The following SLC24A5 variants were observed in gnomAD, a reference collection of about 807,000 sequenced individuals.
SLC24A5 encodes the protein sodium/potassium/calcium exchanger 5.
Under a neutral mutation model 51.6 loss-of-function variants are expected in SLC24A5, and 46 were observed. That is an observed-to-expected ratio of 0.89 (90% CI 0.70 to 1.14). SLC24A5 has a LOEUF of 1.14. SLC24A5 is among the 50% of genes most tolerant of loss of function. SLC24A5 has a pLI of 0.00. For missense variants in SLC24A5, 581 were observed against 604.1 expected, an observed-to-expected ratio of 0.96 and a Z score of 0.40; for synonymous variants, 230 against 214.9, an observed-to-expected ratio of 1.07 and a Z score of -0.62.
rs1054255267 is a variant in SLC24A5, at chr15:48,122,203, C to A, written c.301+167C>A. ...TTAAGGAACTGGTCGAGTGTGGTTT[C>A]TCTTGGTAGTTAATGTGAATCAGAG... On this transcript the variant is annotated intron_variant, in intron 2 of 8. Transcript: ENST00000341459. 4.4e-6 allele frequency: 3 copies of A among 689,030 alleles called. No homozygotes were observed. The African/African-American group carries it at 5.3e-5, about 12-fold the overall frequency. 42.7% of individuals were successfully genotyped at this position (689,030 alleles called of 1,614,324 possible). A position where few individuals can be genotyped will look rare whatever the true frequency, so the allele number is the denominator to read the frequency against.
chr15:48,124,646 T>TAC (rs2038712711), intron 2 of SLC24A5: 1 of 152,232 alleles, frequency 6.6e-6, no homozygotes, highest in African/African-American at 2.4e-5. Context: ...TAGAAGACAC[T>TAC]ACTGCATTAA....
chr15:48,121,002 C>T lies in SLC24A5; in HGVS notation c.-43C>T. On this transcript the variant is annotated 5_prime_UTR_variant, in exon 1 of 9. Coordinates refer to ENST00000341459, the MANE Select transcript of SLC24A5 (RefSeq NM_205850.3). ...CATGATCCAGTTTAATCCTCCTCTT[C>T]TCCCTTCCTGAAGCTGCACGCTGCA... The T allele has an allele frequency of 6.3e-7, 1 of 1,598,722 alleles. No homozygotes were observed. Among genetic ancestry groups the T allele is most frequent in the Non-Finnish European group, 8.5e-7 (1 of 1,171,880 alleles).
In SLC24A5 at chr15:48,142,133, G is replaced by T. The variant is rs373291729; in HGVS notation, c.1285G>T (p.Ala429Ser). ...TAAAACTGCATTTATAAATGGATCA[G>T]CTCCTGCAGAAGTAAACAGCAGAGG... ...FIKTAFINGS[A>S]PAEVNSRGLT... Residue 429 changes from alanine (A) to serine (S), a missense_variant, in exon 9 of 9, where the codon GCT (alanine) becomes TCT (serine). Coordinates refer to ENST00000341459, the MANE Select transcript of SLC24A5 (RefSeq NM_205850.3). 1 of 1,613,580 alleles carries T rather than the reference G, an allele frequency of 6.2e-7. No individual in the cohort carries two copies. The highest frequency in any genetic ancestry group is 1.3e-5 in the African/African-American group (1 of 74,910).
rs936648119 is a variant in SLC24A5, at chr15:48,136,774, T to C, written c.682T>C (p.Cys228Arg). The change falls in exon 6 of 9, where the codon TGC becomes CGC. Residue 228 changes from cysteine to arginine, a missense_variant. By Grantham distance (180) the Cys-to-Arg change is radical. Transcript: ENST00000341459. ...IKINQYIIKK[C>R]SPCCACLAKA... ...AATTAACCAATATATTATAAAGAAA[T>C]GCAGTCCTTGCTGCGCCTGTCTTGC... 3.1e-6 allele frequency: 5 copies of C among 1,613,496 alleles called. No homozygotes were observed. In the African/African-American group the frequency reaches 5.3e-5, roughly 17 times the overall value.
Position 48,134,494 on chromosome 15 carries a change from A to G in SLC24A5, c.445A>G (p.Asn149Asp), listed in dbSNP as rs376756736. 3.1e-6 allele frequency: 5 copies of G among 1,613,446 alleles called. No individual in the cohort carries two copies. The African/African-American group carries it at 6.7e-5, about 22-fold the overall frequency. Residue 149 changes from asparagine to aspartate, a missense_variant, in exon 4 of 9, where the codon AAT becomes GAT. Asn to Asp is a conservative substitution (Grantham distance 23). Coordinates refer to ENST00000341459, the MANE Select transcript of SLC24A5 (RefSeq NM_205850.3). ...ISTILGSAIY[N>D]LLGICAACGL... Reference sequence around the variant, plus strand: ...CACCATCCTTGGATCTGCAATTTATAATCTCCTTGGCATCTGTGCTGCCTG... The same window carrying G: ...CACCATCCTTGGATCTGCAATTTATGATCTCCTTGGCATCTGTGCTGCCTG...
chr15:48,141,631 C>G (rs2039090851), intron 8 of SLC24A5: 1 of 161,364 alleles, frequency 6.2e-6, no homozygotes, highest in East Asian at 1.8e-4. Flanking sequence ...CAGTAACATA[C>G]TTTGAAGGGG....
intron 2 of SLC24A5, chr15:48,123,826 T>A (rs191740934): frequency 9.2e-5 from 14 of 152,292 alleles, no homozygotes; most frequent in African/African-American, 3.4e-4. Flanking sequence ...CAGAAAACCA[T>A]GAAAAATATG....
chr15:48,142,399 G>C lies in SLC24A5; in HGVS notation c.*48G>C, dbSNP rs1261812980. The C allele has an allele frequency of 7.9e-7, 1 of 1,263,376 alleles. No individual in the cohort carries two copies. The highest frequency in any genetic ancestry group is 1.5e-5 in the African/African-American group (1 of 66,826). 78.3% of individuals were successfully genotyped at this position (1,263,376 alleles called of 1,614,324 possible). A position where few individuals can be genotyped will look rare whatever the true frequency, so the allele number is the denominator to read the frequency against. On this transcript the variant is annotated 3_prime_UTR_variant, in exon 9 of 9. Transcript: ENST00000341459. ...AAAATATGAATGGCAGGGAGGGGCA[G>C]AGAGAAAAATCCATTTCTTCATTTA...
chr15:48,138,611 G>A lies in SLC24A5; in HGVS notation c.872-358G>A, dbSNP rs577639648. On this transcript the variant is annotated intron_variant, in intron 6 of 8. Coordinates refer to ENST00000341459, the MANE Select transcript of SLC24A5 (RefSeq NM_205850.3). ...GAAGTGGAGACAACTGGAGTAGCTA[G>A]GTTAGAAACCAGGTTAATCCCTTAA... 10 of 180,840 alleles carry A rather than the reference G, an allele frequency of 5.5e-5. No homozygotes were observed. In the South Asian group the frequency reaches 9.6e-4, roughly 17 times the overall value. The allele number at this position is 180,840 out of a possible 1,614,324, so 11.2% of individuals were successfully genotyped here.
chr15:48,124,740 C>T (rs1455153478), intron 2 of SLC24A5: 1 of 152,168 alleles, frequency 6.6e-6, no homozygotes, highest in East Asian at 1.9e-4. Flanking sequence ...TGTGAAATTA[C>T]TTTGAAAGAT....
chr15:48,142,077 A>C lies in SLC24A5; in HGVS notation c.1229A>C (p.Asp410Ala). The C allele has an allele frequency of 6.2e-7, 1 of 1,613,878 alleles. No homozygotes were observed. Among genetic ancestry groups the C allele is most frequent in the South Asian group, 1.1e-5 (1 of 91,072 alleles). Residue 410 changes from aspartate (D) to alanine (A), a missense_variant, in exon 9 of 9, where the codon GAT (aspartate) becomes GCT (alanine). Physicochemically the swap from Asp to Ala is moderately radical, Grantham distance 126. Coordinates refer to ENST00000341459, the MANE Select transcript of SLC24A5 (RefSeq NM_205850.3). ...MSNIVGSNVF[D>A]MLCLGIPWFI... ...AACATCGTGGGATCCAATGTGTTTG[A>C]TATGTTGTGCCTTGGTATTCCATGG...
intron 7 of SLC24A5, chr15:48,139,524 A>T (rs1361495121): frequency 1.9e-5 from 3 of 160,888 alleles, no homozygotes; most frequent in East Asian, 1.7e-4. Flanking sequence ...TCCATAATAA[A>T]AAAAAAAAAG....
At position 48,134,487 on chromosome 15, in the gene SLC24A5, A is replaced by T; in HGVS notation, c.438A>T (p.Ala146=). The part of the protein sequence containing the change: ...DIGISTILGS[A]IYNLLGICAA... The stretch of plus-strand genomic sequence containing the variant: ...GCATTAGCACCATCCTTGGATCTGC[A>T]ATTTATAATCTCCTTGGCATCTGTG... Residue 146 remains alanine, a synonymous_variant, in exon 4 of 9, where the codon GCA becomes GCT. Coordinates refer to ENST00000341459, the MANE Select transcript of SLC24A5 (RefSeq NM_205850.3). The T allele has an allele frequency of 6.2e-7, 1 of 1,613,622 alleles. No homozygotes were observed. The highest frequency in any genetic ancestry group is 8.5e-7 in the Non-Finnish European group (1 of 1,179,596).
intron 8 of SLC24A5, 195 bp from the exon 9 acceptor site, chr15:48,141,834 A>T (rs1042215728): frequency 1.1e-5 from 4 of 376,996 alleles, no homozygotes; most frequent in Non-Finnish European, 1.9e-5. Flanking sequence ...TATAATTATT[A>T]AATAAATGTT....
chr15:48,141,785 A>C (rs2039097439), intron 8 of SLC24A5: 1 of 267,644 alleles, frequency 3.7e-6, no homozygotes, highest in Non-Finnish European at 7.0e-6. Context: ...GAAAAGCAAC[A>C]AATAAGCTAT....
intron 7 of SLC24A5, chr15:48,139,921 C>T (rs955530237): frequency 1.3e-5 from 2 of 152,028 alleles, no homozygotes; most frequent in Admixed American, 6.6e-5. Context: ...ATTGTTTTCA[C>T]ACTACATTGG....
Position 48,134,955 on chromosome 15 carries a change from T to G in SLC24A5, c.561T>G (p.Leu187=), listed in dbSNP as rs372314093. 6.2e-7 allele frequency: 1 copy of G among 1,611,780 alleles called. No homozygotes were observed. Among genetic ancestry groups the G allele is most frequent in the Non-Finnish European group, 8.5e-7 (1 of 1,178,474 alleles). The change falls in exon 5 of 9, where the codon CTT becomes CTG. Residue 187 remains leucine (L), a synonymous_variant. Transcript: ENST00000341459. ...ACACAATTAGTGCAGCAGCAGTTCT[T>G]GGTATAATATATGACAACCAAGTTT... is the stretch of plus-strand genomic sequence containing the variant. ...AAYTISAAAV[L]GIIYDNQVYW... is the part of the protein sequence containing the mutation.
chr15:48,126,042 T>C (rs895463371), intron 2 of SLC24A5, among the ~76,000 whole-genome samples: 6 of 152,324 alleles, frequency 3.9e-5, no homozygotes, highest in Admixed American at 3.9e-4. Flanking sequence ...AGCCTCTTGC[T>C]GGTGCTCTGG....
At chr15:48,124,614 A>C (rs910018264) in intron 2 of SLC24A5, 1 of 152,210 alleles carries the variant, frequency 6.6e-6, no homozygotes, top group African/African-American at 2.4e-5. Context: ...TGAAAAATAA[A>C]TAAAAAACCT....
Sources: allele counts gnomAD v4.1 joint callset (sites outside exome capture counted in the v4.1 genomes callset), GRCh38; gene constraint gnomAD v4.1.1; transcripts MANE v1.5; gene names NCBI Gene and HGNC (gene_info 2026-07-23, HGNC 2026-07-21).